Variants in CAMTA1 observed in about 807,000 individuals in gnomAD.
CAMTA1 encodes the protein calmodulin-binding transcription activator 1.
A neutral mutation model predicts 170.9 loss-of-function variants in CAMTA1; 27 were observed. That is an observed-to-expected ratio of 0.16 (90% CI 0.12 to 0.22). CAMTA1 has a LOEUF of 0.22. CAMTA1 is among the 10% of genes least tolerant of loss of function. CAMTA1 has a pLI of 1.00. For synonymous variants in CAMTA1, 833 were observed against 891.5 expected, an observed-to-expected ratio of 0.93 and a Z score of 1.17; for missense variants, 1,619 against 2,217.2, an observed-to-expected ratio of 0.73 and a Z score of 5.42.
chr1:7,183,009 C>T (rs548960594), intron 4 of CAMTA1, among the ~76,000 whole-genome samples: 8 of 152,230 alleles, frequency 5.3e-5, no homozygotes, highest in South Asian at 2.1e-4. Flanking sequence ...CGATTGTACT[C>T]GTCTGTTTTG....
At chr1:7,350,663 C>CAG (rs2084599197) in intron 5 of CAMTA1, among the ~76,000 whole-genome samples, 1 of 152,050 alleles carries the variant, frequency 6.6e-6, no homozygotes, top group Non-Finnish European at 1.5e-5. Flanking sequence ...GGACTTCTAA[C>CAG]TTCATATTGA....
chr1:7,025,315 CCCT>C (rs1389523161), intron 3 of CAMTA1, among the ~76,000 whole-genome samples: 2 of 152,190 alleles, frequency 1.3e-5, no homozygotes, highest in Non-Finnish European at 2.9e-5. Context: ...AGCCTGGGGG[CCCT>C]GGCCATGAAG....
intron 3 of CAMTA1, among the ~76,000 whole-genome samples, chr1:6,876,583 GA>G (rs1317779344): frequency 6.6e-6 from 1 of 152,042 alleles, no homozygotes; most frequent in Non-Finnish European, 1.5e-5. Context: ...GGCTGGTCTC[GA>G]ACTCCTGACC....
intron 5 of CAMTA1, among the ~76,000 whole-genome samples, chr1:7,451,453 A>G (rs2092822602): frequency 6.6e-6 from 1 of 152,086 alleles, no homozygotes; most frequent in Non-Finnish European, 1.5e-5. Context: ...GGGATGAGGG[A>G]TGAGTCAGCT....
In CAMTA1 at chr1:7,074,640, G is replaced by T. The variant is rs901390835; in HGVS notation, c.235-16664G>T. On this transcript the variant is annotated intron_variant, in intron 3 of 22. Coordinates refer to ENST00000303635, the MANE Select transcript of CAMTA1 (RefSeq NM_015215.4). ...ATGTTTTTAATGGCTATGTGCCAGG[G>T]AATCTTTACATTTTCCATCTCAACT... Among the ~76,000 whole-genome samples, 35 of 152,206 alleles carry T rather than the reference G, an allele frequency of 2.3e-4. 1 individual carries two copies. The highest frequency in any genetic ancestry group is 2.2e-3 in the Admixed American group (34 of 15,280).
In CAMTA1 at chr1:7,601,494, C is replaced by T. The variant is rs528504883; in HGVS notation, c.511-38906C>T. Among the ~76,000 whole-genome samples the T allele has an allele frequency of 8.6e-4, 126 of 147,320 alleles. 1 individual carries two copies. Among genetic ancestry groups the T allele is most frequent in the African/African-American group, 3.2e-3 (120 of 37,826 alleles). On this transcript the variant is annotated intron_variant, in intron 6 of 22. Transcript: ENST00000303635. ...GCAGAGAGGCTCCTCACATCCCAGA[C>T]GATGGGCGGCCAGGCAGAGATGCTC...
intron 5 of CAMTA1, among the ~76,000 whole-genome samples, chr1:7,255,786 A>G (rs556526778): frequency 6.6e-6 from 1 of 152,322 alleles, no homozygotes; most frequent in Non-Finnish European, 1.5e-5. Flanking sequence ...CCAGTGACTA[A>G]CTGCTTCCAC....
Position 7,586,252 on chromosome 1 carries a change from T to G in CAMTA1, c.511-54148T>G, listed in dbSNP as rs954874943. ...AGCGGTGGGGATCCGCACTTGAGTT[T>G]AAGCCTCGAGGGCTGGCTGTGGACG... On this transcript the variant is annotated intron_variant, in intron 6 of 22. Coordinates refer to ENST00000303635, the MANE Select transcript of CAMTA1 (RefSeq NM_015215.4). Among the ~76,000 whole-genome samples the G allele has an allele frequency of 6.6e-5, 10 of 152,212 alleles. No individual in the cohort carries two copies. In the East Asian group the frequency reaches 1.9e-3, roughly 30 times the overall value.
intron 5 of CAMTA1, among the ~76,000 whole-genome samples, chr1:7,274,014 C>T (rs1670224689): frequency 6.6e-6 from 1 of 151,862 alleles, no homozygotes; most frequent in Non-Finnish European, 1.5e-5. Flanking sequence ...AAATGAAAGA[C>T]TCAAAAATAT....
chr1:7,640,283 A>C, intron 6 of CAMTA1, 117 bp from the exon 7 acceptor site: 1 of 1,135,180 alleles, frequency 8.8e-7, no homozygotes, highest in Non-Finnish European at 1.3e-6. Flanking sequence ...GTGTGAGGTC[A>C]AGAGAGCCGG....
At position 7,617,378 on chromosome 1, in the gene CAMTA1, C is replaced by T. The variant is rs1211854481; in HGVS notation, c.511-23022C>T. Among the ~76,000 whole-genome samples, 3 of 152,190 alleles carry T rather than the reference C, an allele frequency of 2.0e-5. No individual in the cohort carries two copies. In the East Asian group the frequency reaches 5.8e-4, roughly 29 times the overall value. ...AGGAGGACTTCAGGGTTCATCCACT[C>T]CTTCGAAAACTTTGAAAGTATAGAC... is the stretch of plus-strand genomic sequence containing the variant. On this transcript the variant is annotated intron_variant, in intron 6 of 22. Coordinates refer to ENST00000303635, the MANE Select transcript of CAMTA1 (RefSeq NM_015215.4).
At chr1:7,495,947 C>T (rs1465969608) in intron 6 of CAMTA1, among the ~76,000 whole-genome samples, 1 of 152,180 alleles carries the variant, frequency 6.6e-6, no homozygotes. Flanking sequence ...CCCAGAGCAC[C>T]TCCTGGCCAT....
intron 4 of CAMTA1, among the ~76,000 whole-genome samples, chr1:7,166,545 C>T (rs541629575): frequency 6.6e-6 from 1 of 152,304 alleles, no homozygotes; most frequent in South Asian, 2.1e-4. Context: ...TTCATTTCTA[C>T]TTTCCTTGCT....
intron 3 of CAMTA1, among the ~76,000 whole-genome samples, chr1:6,885,828 C>CGA (rs1433980391): frequency 6.6e-6 from 1 of 152,160 alleles, no homozygotes; most frequent in East Asian, 1.9e-4. Context: ...TGTGGACACT[C>CGA]TTTCTGTCCG....
Position 7,588,274 on chromosome 1 carries a change from A to G in CAMTA1, c.511-52126A>G, listed in dbSNP as rs901802425. On this transcript the variant is annotated intron_variant, in intron 6 of 22. Transcript: ENST00000303635. The surrounding 1 kb of genome is among the most constrained non-coding windows in gnomAD (Gnocchi z 5.8). ...CCAGTTCTCACTGCCTCTGACACCC[A>G]CGCTGGTGTGGCCCTGCTGGGGACC... Among the ~76,000 whole-genome samples the G allele has an allele frequency of 1.3e-4, 20 of 151,202 alleles. No individual in the cohort carries two copies. The highest frequency in any genetic ancestry group is 4.4e-4 in the African/African-American group (18 of 40,540).
At chr1:7,497,321 G>A (rs555642149) in intron 6 of CAMTA1, among the ~76,000 whole-genome samples, 36 of 152,248 alleles carry the variant, frequency 2.4e-4, no homozygotes, top group Admixed American at 1.4e-3. Flanking sequence ...AACAGCTCAC[G>A]CAGGGGGCCA....
intron 1 of CAMTA1, among the ~76,000 whole-genome samples, chr1:6,792,672 A>G (rs979459015): frequency 2.0e-5 from 3 of 151,812 alleles, no homozygotes; most frequent in Non-Finnish European, 4.4e-5. Flanking sequence ...TCCATATTCA[A>G]CCTCAGTGTT....
intron 5 of CAMTA1, among the ~76,000 whole-genome samples, chr1:7,315,728 C>G (rs527841771): frequency 6.6e-6 from 1 of 152,280 alleles, no homozygotes; most frequent in South Asian, 2.1e-4. Flanking sequence ...CCCTCGTAGC[C>G]TTTAGGGGTG....
intron 3 of CAMTA1, among the ~76,000 whole-genome samples, chr1:6,879,870 TC>T (rs1454129809): frequency 6.6e-6 from 1 of 150,704 alleles, no homozygotes; most frequent in African/African-American, 2.4e-5. Context: ...CAAGTGTTCC[TC>T]CTGCCTTGGC....
Sources: allele counts gnomAD v4.1 joint callset (sites outside exome capture counted in the v4.1 genomes callset), GRCh38; gene constraint gnomAD v4.1.1; non-coding constraint Gnocchi (gnomAD v3.1); transcripts MANE v1.5; gene names NCBI Gene and HGNC (gene_info 2026-07-23, HGNC 2026-07-21).